The following NR2C1 variants were observed in gnomAD, a reference collection of about 807,000 sequenced individuals.
NR2C1 encodes the protein nuclear receptor subfamily 2 group C member 1, also known as TR2 nuclear hormone receptor.
In NR2C1, 33 loss-of-function variants were observed where a neutral mutation model predicts 74.8. The ratio of observed to expected loss-of-function variants is 0.44; its 90% CI spans 0.33 to 0.59. The LOEUF (loss-of-function observed/expected upper bound fraction) is 0.59, where lower values mean the gene tolerates loss of function less well. NR2C1 is among the 20% of genes least tolerant of loss of function. The pLI is 0.02. For synonymous variants in NR2C1, 225 were observed against 240.6 expected, an observed-to-expected ratio of 0.94 and a Z score of 0.60; for missense variants, 568 against 715.6, an observed-to-expected ratio of 0.79 and a Z score of 2.35.
chr12:95,071,430 A>G (rs1270187210), intron 1 of NR2C1, among the ~76,000 whole-genome samples: 1 of 152,164 alleles, frequency 6.6e-6, no homozygotes, highest in Non-Finnish European at 1.5e-5. Flanking sequence ...ACGGCAACGA[A>G]TTATATTTAT....
chr12:95,063,746 T>G (rs187782283), intron 2 of NR2C1, among the ~76,000 whole-genome samples: 10 of 150,980 alleles, frequency 6.6e-5, no homozygotes, highest in Admixed American at 1.3e-4. Context: ...TGTTCAAGAG[T>G]AGGCCGGGTG....
rs377030196 is a variant in NR2C1, at chr12:95,049,113, G to A, written c.1086C>T (p.Thr362=). The change falls in exon 9 of 14, where the codon ACC becomes ACT. Residue 362 remains threonine, a synonymous_variant. Coordinates refer to ENST00000333003, the MANE Select transcript of NR2C1 (RefSeq NM_003297.4). ...CGCTGAGAAGTGGCCCCTCTTTTTC[G>A]GTGTAATTTATGCTTGAATCTCCAG... The part of the protein sequence containing the change: ...LITGDSSINY[T]EKEGPLLSDS... 2.4e-5 allele frequency: 39 copies of A among 1,613,566 alleles called. No homozygotes were observed. The highest frequency in any genetic ancestry group is 8.3e-5 in the Admixed American group (5 of 59,934).
intron 7 of NR2C1, among the ~76,000 whole-genome samples, chr12:95,053,461 A>G (rs977995857): frequency 6.6e-6 from 1 of 152,114 alleles, no homozygotes; most frequent in Non-Finnish European, 1.5e-5. Context: ...AGAAGCTGAT[A>G]TCCTAGCAAT....
intron 11 of NR2C1, chr12:95,030,548 G>A: frequency 1.2e-6 from 2 of 1,611,836 alleles, no homozygotes; most frequent in Non-Finnish European, 1.7e-6. Context: ...CCAGGGGTAG[G>A]AGTCCATAAG....
intron 10 of NR2C1, among the ~76,000 whole-genome samples, chr12:95,031,811 A>T (rs926026103): frequency 6.6e-6 from 1 of 151,842 alleles, no homozygotes; most frequent in Non-Finnish European, 1.5e-5. Flanking sequence ...AGCATATATT[A>T]AAAAAAAACT....
At chr12:95,030,631 T>C in intron 11 of NR2C1, 2 of 1,612,624 alleles carry the variant, frequency 1.2e-6, no homozygotes, top group Non-Finnish European at 1.7e-6. Context: ...ACCCCTCTGC[T>C]GTTAAACATA....
At chr12:95,071,625 G>A (rs917353369) in intron 1 of NR2C1, among the ~76,000 whole-genome samples, 1 of 151,840 alleles carries the variant, frequency 6.6e-6, no homozygotes, top group Admixed American at 6.6e-5. Context: ...TGAGGCCAGA[G>A]ATCTGTCTGG....
chr12:95,059,818 A>G, intron 4 of NR2C1, 88 bp downstream of exon 4: 2 of 863,734 alleles, frequency 2.3e-6, no homozygotes, highest in South Asian at 3.6e-5. Context: ...TAGAAGAAAC[A>G]TGGTAGTGTG....
chr12:95,057,483 C>A, intron 7 of NR2C1, 70 bp downstream of exon 7: 1 of 1,114,588 alleles, frequency 9.0e-7, no homozygotes, highest in Non-Finnish European at 1.3e-6. Context: ...TTTACCAAAG[C>A]AAAGGAAGTG....
At chr12:95,066,578 T>C (rs1249942662) in intron 2 of NR2C1, among the ~76,000 whole-genome samples, 1 of 152,228 alleles carries the variant, frequency 6.6e-6, no homozygotes, top group Non-Finnish European at 1.5e-5. Flanking sequence ...TTTTCAAAGG[T>C]TAGCAGCAAT....
At chr12:95,061,421 T>C (rs1874763809) in intron 3 of NR2C1, among the ~76,000 whole-genome samples, 1 of 152,198 alleles carries the variant, frequency 6.6e-6, no homozygotes, top group African/African-American at 2.4e-5. Flanking sequence ...ATATGCTCAG[T>C]TTTTCTGCAA....
chr12:95,060,226 G>C (rs1350598397), intron 3 of NR2C1, among the ~76,000 whole-genome samples: 1 of 152,022 alleles, frequency 6.6e-6, no homozygotes, highest in East Asian at 1.9e-4. Context: ...AATAGAAAAG[G>C]GGCTATAAAT....
chr12:95,049,033 A>T (rs1276457440), intron 9 of NR2C1, 35 bp downstream of exon 9: 6 of 1,579,742 alleles, frequency 3.8e-6, no homozygotes, highest in Non-Finnish European at 5.2e-6. Context: ...ATCAAGCAAC[A>T]CAACATACAA....
At chr12:95,047,328 C>CT (rs1171616967) in intron 9 of NR2C1, among the ~76,000 whole-genome samples, 5 of 152,158 alleles carry the variant, frequency 3.3e-5, no homozygotes, top group Non-Finnish European at 7.4e-5. Flanking sequence ...ATTCCAATTA[C>CT]TTTTTCTTAT....
intron 10 of NR2C1, among the ~76,000 whole-genome samples, chr12:95,039,443 G>T (rs1478520024): frequency 6.6e-6 from 1 of 152,164 alleles, no homozygotes; most frequent in African/African-American, 2.4e-5. Context: ...CCTAGGAGTT[G>T]AATAAAAACT....
chr12:95,054,006 A>G (rs1592769070), intron 7 of NR2C1, among the ~76,000 whole-genome samples: 1 of 152,136 alleles, frequency 6.6e-6, no homozygotes, highest in Non-Finnish European at 1.5e-5. Flanking sequence ...TTAATACTAA[A>G]ATAACACATA....
At chr12:95,064,003 T>A (rs1592790472) in intron 2 of NR2C1, among the ~76,000 whole-genome samples, 1 of 116,212 alleles carries the variant, frequency 8.6e-6, no homozygotes, top group South Asian at 2.8e-4. Context: ...CACTCCAGCC[T>A]GGGCGACAGA....
chr12:95,041,089 G>A (rs933843488), intron 9 of NR2C1, among the ~76,000 whole-genome samples: 1 of 152,196 alleles, frequency 6.6e-6, no homozygotes, highest in Non-Finnish European at 1.5e-5. Flanking sequence ...GGACACAGCT[G>A]TGAATTGAAT....
rs1458913669 is a variant in NR2C1, at chr12:95,048,572, A to ATTT, written c.1131+495_1131+496insAAA. The stretch of plus-strand genomic sequence containing the variant: ...CATGCCCAGCTTATTCAGTATCTTG[A>ATTT]TAAACAGAAGAGAAAAGCCTAAAGA... On this transcript the variant is annotated intron_variant, in intron 9 of 13. Coordinates refer to ENST00000333003, the MANE Select transcript of NR2C1 (RefSeq NM_003297.4). Among the ~76,000 whole-genome samples, 3 of 152,126 alleles carry ATTT rather than the reference A, an allele frequency of 2.0e-5. No homozygotes were observed. The East Asian group carries it at 5.8e-4, about 29-fold the overall frequency.
Sources: allele counts gnomAD v4.1 joint callset (sites outside exome capture counted in the v4.1 genomes callset), GRCh38; gene constraint gnomAD v4.1.1; transcripts MANE v1.5; gene names NCBI Gene and HGNC (gene_info 2026-07-23, HGNC 2026-07-21).